Variants in STAG1 observed in about 807,000 individuals in gnomAD.
The protein encoded by STAG1 is STAG1 cohesin complex component.
A neutral mutation model predicts 170.9 loss-of-function variants in STAG1; 26 were observed. That is an observed-to-expected ratio of 0.15 (90% CI 0.11 to 0.21). STAG1 has a LOEUF of 0.21. Ranked by LOEUF, STAG1 falls within the 10% of genes least tolerant of loss-of-function variation. The pLI, the probability that STAG1 is intolerant of heterozygous loss-of-function variation, is 1.00. For missense variants in STAG1, 964 were observed against 1,509.5 expected, an observed-to-expected ratio of 0.64 and a Z score of 5.99; for synonymous variants, 514 against 497.7, an observed-to-expected ratio of 1.03 and a Z score of -0.44.
chr3:136,640,925 T>A (rs1211414244), intron 1 of STAG1, among the ~76,000 whole-genome samples: 1 of 152,236 alleles, frequency 6.6e-6, no homozygotes, highest in African/African-American at 2.4e-5. Flanking sequence ...TCTGCCCGCC[T>A]TGGCCTCCCA....
intron 6 of STAG1, among the ~76,000 whole-genome samples, chr3:136,536,569 T>A (rs1935637330): frequency 6.6e-6 from 1 of 151,762 alleles, no homozygotes; most frequent in Non-Finnish European, 1.5e-5. Flanking sequence ...GGCGTGGTGG[T>A]GTGCGCCTGT....
chr3:136,343,211 T>C (rs1002019067), intron 30 of STAG1, among the ~76,000 whole-genome samples: 1 of 152,212 alleles, frequency 6.6e-6, no homozygotes, highest in Non-Finnish European at 1.5e-5. Context: ...AAAACAACAA[T>C]AAGATTTTTA....
intron 1 of STAG1, among the ~76,000 whole-genome samples, chr3:136,735,836 A>G (rs1324142882): frequency 6.6e-6 from 1 of 152,212 alleles, no homozygotes; most frequent in African/African-American, 2.4e-5. Flanking sequence ...GAATATTACC[A>G]CTAACAAATG....
chr3:136,654,363 AAC>A (rs1242496487), intron 1 of STAG1, among the ~76,000 whole-genome samples: 1 of 152,238 alleles, frequency 6.6e-6, no homozygotes, highest in Non-Finnish European at 1.5e-5. Context: ...CAATCTGAAA[AAC>A]AATTACAAAA....
chr3:136,522,538 T>A lies in STAG1; in HGVS notation c.472-1121A>T, dbSNP rs932075781. On this transcript the variant is annotated intron_variant, in intron 6 of 33. Coordinates refer to ENST00000383202, the MANE Select transcript of STAG1 (RefSeq NM_005862.3). ...TATAGTAGAGTTCCTCTTGTTTTTT[T>A]CTTTTTTTGCTGTTCTTTTTTGTTT... Among the ~76,000 whole-genome samples, 12 of 152,170 alleles carry A rather than the reference T, an allele frequency of 7.9e-5. No individual in the cohort carries two copies. The South Asian group carries it at 1.2e-3, about 16-fold the overall frequency.
At chr3:136,490,609 TAC>T (rs899623062) in intron 9 of STAG1, among the ~76,000 whole-genome samples, 32 of 152,182 alleles carry the variant, frequency 2.1e-4, no homozygotes, top group South Asian at 4.1e-4. Flanking sequence ...AATTAATATT[TAC>T]ATTTTAACTA....
intron 23 of STAG1, among the ~76,000 whole-genome samples, chr3:136,372,992 T>A (rs1027663537): frequency 3.3e-5 from 5 of 152,140 alleles, no homozygotes; most frequent in African/African-American, 4.8e-5. Context: ...CTTTTTTTGG[T>A]TGGTAAGCTA....
At chr3:136,462,823 G>A (rs1222473005) in intron 13 of STAG1, among the ~76,000 whole-genome samples, 2 of 151,932 alleles carry the variant, frequency 1.3e-5, no homozygotes, top group African/African-American at 4.8e-5. Flanking sequence ...AAAAAATTTA[G>A]CCAATATTTC....
chr3:136,511,387 G>C (rs1934056075), intron 7 of STAG1, among the ~76,000 whole-genome samples: 1 of 152,184 alleles, frequency 6.6e-6, no homozygotes, highest in South Asian at 2.1e-4. Context: ...TAAAGACATG[G>C]AATCAACCTT....
chr3:136,646,989 G>C (rs1941046690), intron 1 of STAG1, among the ~76,000 whole-genome samples: 1 of 152,060 alleles, frequency 6.6e-6, no homozygotes, highest in African/African-American at 2.4e-5. Flanking sequence ...AAGAAATAAT[G>C]AATGTTTGAG....
intron 6 of STAG1, among the ~76,000 whole-genome samples, chr3:136,525,301 A>G (rs1271786732): frequency 2.6e-5 from 4 of 152,192 alleles, no homozygotes; most frequent in African/African-American, 4.8e-5. Flanking sequence ...CAGGGATTCA[A>G]CTTCTTCCTG....
intron 1 of STAG1, among the ~76,000 whole-genome samples, chr3:136,671,021 A>C (rs1303248887): frequency 2.0e-5 from 3 of 152,072 alleles, no homozygotes; most frequent in Non-Finnish European, 2.9e-5. Context: ...GTGGTGACTC[A>C]CGCCTGTAAT....
intron 2 of STAG1, among the ~76,000 whole-genome samples, chr3:136,624,230 C>G (rs1262876632): frequency 1.3e-5 from 2 of 151,908 alleles, no homozygotes; most frequent in Non-Finnish European, 2.9e-5. Flanking sequence ...TCCCAAGTAG[C>G]TGGGACTACA....
chr3:136,716,167 T>C (rs1036512221), intron 1 of STAG1, among the ~76,000 whole-genome samples: 2 of 144,760 alleles, frequency 1.4e-5, no homozygotes, highest in Non-Finnish European at 3.0e-5. Flanking sequence ...TTCATCTCAC[T>C]TAAGTCATGG....
chr3:136,388,520 C>T (rs2086926403), intron 22 of STAG1, among the ~76,000 whole-genome samples: 1 of 152,088 alleles, frequency 6.6e-6, no homozygotes, highest in Non-Finnish European at 1.5e-5. Flanking sequence ...AGGCACACAC[C>T]ACCACGCCCA....
intron 7 of STAG1, among the ~76,000 whole-genome samples, chr3:136,513,929 TAAAAG>T (rs1029074087): frequency 6.6e-6 from 1 of 151,852 alleles, no homozygotes; most frequent in Non-Finnish European, 1.5e-5. Context: ...TTTAAAAAAT[TAAAAG>T]AAAAAAAGTC....
At chr3:136,444,769 A>G (rs1341653186) in intron 14 of STAG1, among the ~76,000 whole-genome samples, 2 of 152,160 alleles carry the variant, frequency 1.3e-5, no homozygotes, top group African/African-American at 4.8e-5. Context: ...TAGATCTACT[A>G]TTGGTTATCT....
At chr3:136,582,160 TGCTATAGGAAAAC>T (rs1937604038) in intron 4 of STAG1, among the ~76,000 whole-genome samples, 2 of 146,070 alleles carry the variant, frequency 1.4e-5, no homozygotes, top group Non-Finnish European at 3.0e-5. Flanking sequence ...CCATAGTTCC[TGCTATAGGAAAAC>T]ATTTAATCCT....
chr3:136,688,418 G>C (rs1400744835), intron 1 of STAG1, among the ~76,000 whole-genome samples: 1 of 150,278 alleles, frequency 6.7e-6, no homozygotes, highest in Non-Finnish European at 1.5e-5. Flanking sequence ...TTCTTTTTTT[G>C]AGACAGAATC....
Sources: allele counts gnomAD v4.1 joint callset (sites outside exome capture counted in the v4.1 genomes callset), GRCh38; gene constraint gnomAD v4.1.1; transcripts MANE v1.5; gene names NCBI Gene and HGNC (gene_info 2026-07-23, HGNC 2026-07-21).